The following TMEM74 variants were observed in gnomAD, a reference collection of about 807,000 sequenced individuals.
The protein encoded by TMEM74 is transmembrane protein 74.
A neutral mutation model predicts 18.1 loss-of-function variants in TMEM74; 13 were observed. The ratio of observed to expected loss-of-function variants is 0.72; its 90% confidence interval spans 0.47 to 1.14. The LOEUF is 1.14. Among genes scored for constraint, TMEM74 ranks in the 50% most tolerant of loss-of-function variants. The pLI is 0.00. For missense variants in TMEM74, 372 were observed against 375.9 expected (o/e 0.99, Z 0.09); for synonymous variants, 159 against 146.6 (o/e 1.08, Z -0.61).
intron 1 of TMEM74, among the ~76,000 whole-genome samples, chr8:108,684,469 G>A (rs1282045457): frequency 1.3e-5 from 2 of 150,278 alleles, no homozygotes; most frequent in Non-Finnish European, 3.0e-5. Context: ...TGAGTTCTTT[G>A]CATATTCTGG....
At chr8:108,660,517 C>T (rs138928999) in intron 1 of TMEM74, among the ~76,000 whole-genome samples, 1 of 152,192 alleles carries the variant, frequency 6.6e-6, no homozygotes, top group Non-Finnish European at 1.5e-5. Flanking sequence ...ATAGCAGAAA[C>T]CTTACCCAGT....
chr8:108,720,763 T>A (rs1359698571), intron 1 of TMEM74, among the ~76,000 whole-genome samples: 1 of 151,864 alleles, frequency 6.6e-6, no homozygotes, highest in Non-Finnish European at 1.5e-5. Flanking sequence ...TATTAGTTTG[T>A]TTGTTTGTTT....
chr8:108,764,872 A>T (rs982645063), intron 1 of TMEM74, among the ~76,000 whole-genome samples: 17 of 152,184 alleles, frequency 1.1e-4, no homozygotes, highest in Admixed American at 3.3e-4. Flanking sequence ...GATTAGTCCC[A>T]GTTTCGCCAG....
At chr8:108,673,786 C>T (rs1345733371) in intron 1 of TMEM74, among the ~76,000 whole-genome samples, 2 of 152,120 alleles carry the variant, frequency 1.3e-5, no homozygotes, top group Non-Finnish European at 2.9e-5. Flanking sequence ...CAGCTGAGAT[C>T]AGAACAGATA....
intron 1 of TMEM74, among the ~76,000 whole-genome samples, chr8:108,676,857 T>A (rs1813060817): frequency 6.6e-6 from 1 of 152,196 alleles, no homozygotes; most frequent in Non-Finnish European, 1.5e-5. Flanking sequence ...CTTCTGGCAG[T>A]CATCAGCACC....
chr8:108,770,241 AG>A (rs1414494601), intron 1 of TMEM74, among the ~76,000 whole-genome samples: 1 of 152,132 alleles, frequency 6.6e-6, no homozygotes, highest in Non-Finnish European at 1.5e-5. Context: ...CACTGTTATA[AG>A]ATAAAATGAT....
intron 1 of TMEM74, among the ~76,000 whole-genome samples, chr8:108,686,477 C>T (rs947108136): frequency 2.6e-5 from 4 of 152,126 alleles, no homozygotes; most frequent in Admixed American, 2.6e-4. Context: ...GCTGAGATTA[C>T]AGGCGTGACC....
chr8:108,668,688 G>C (rs1812973248), intron 1 of TMEM74, among the ~76,000 whole-genome samples: 1 of 152,164 alleles, frequency 6.6e-6, no homozygotes, highest in Non-Finnish European at 1.5e-5. Context: ...AGAATACATA[G>C]TTGGGTACTG....
chr8:108,785,007 G>T lies in TMEM74; in HGVS notation c.92C>A (p.Ala31Glu), dbSNP rs771784475. 1.2e-6 allele frequency: 2 copies of T among 1,614,154 alleles called. No homozygotes were observed. Among genetic ancestry groups the T allele is most frequent in the East Asian group, 4.5e-5 (2 of 44,870 alleles). Residue 31 changes from alanine to glutamate, a missense_variant, in exon 2 of 2, where the codon GCA (alanine) becomes GAA (glutamate). By Grantham distance (107) the Ala-to-Glu change is moderately radical. Transcript: ENST00000297459. ...AGCAGCTCTTGTGGCTGCTGTATCT[G>T]CCTGGTCACCAGGCAGCCCTCTTGA... ...WSSRGLPGDQ[A>E]DTAATRAALC...
chr8:108,763,093 T>C (rs542638407), intron 1 of TMEM74, among the ~76,000 whole-genome samples: 9 of 152,280 alleles, frequency 5.9e-5, no homozygotes, highest in Admixed American at 2.0e-4. Flanking sequence ...TTTCTTTATG[T>C]TCATCTAATC....
intron 1 of TMEM74, among the ~76,000 whole-genome samples, chr8:108,736,891 T>A (rs1270369440): frequency 1.3e-5 from 2 of 152,052 alleles, no homozygotes; most frequent in Non-Finnish European, 2.9e-5. Context: ...GGGACATAGA[T>A]TTGTAGATGG....
At chr8:108,776,763 TGAAG>T (rs929783114), downstream of TMEM74, among the ~76,000 whole-genome samples, 4 of 146,256 alleles carry the variant, frequency 2.7e-5, no homozygotes, top group South Asian at 4.4e-4. Flanking sequence ...ATGATGATGA[TGAAG>T]GAAGGGAGGA....
chr8:108,756,443 G>A lies in TMEM74; in HGVS notation n.119+31033C>T, dbSNP rs368881278. Among the ~76,000 whole-genome samples, 34 of 150,728 alleles carry A rather than the reference G, an allele frequency of 2.3e-4. No individual in the cohort carries two copies. The East Asian group carries it at 2.6e-3, about 11-fold the overall frequency. On this transcript the variant is annotated intron_variant and non_coding_transcript_variant, in intron 1 of 3. Coordinates refer to the TMEM74 transcript ENST00000518838. Reference sequence around the variant, plus strand: ...TATAGTTAACACCACTGTCTCTTACGCTCCTCAATTTTAGCTCACCTTAGG... The same window carrying A: ...TATAGTTAACACCACTGTCTCTTACACTCCTCAATTTTAGCTCACCTTAGG...
At chr8:108,762,139 C>T (rs1465126462) in intron 1 of TMEM74, among the ~76,000 whole-genome samples, 1 of 152,160 alleles carries the variant, frequency 6.6e-6, no homozygotes, top group African/African-American at 2.4e-5. Flanking sequence ...AACTGTGCTT[C>T]ATGAATGAAA....
intron 1 of TMEM74, among the ~76,000 whole-genome samples, chr8:108,773,323 T>TA (rs34626637): frequency 1.3e-5 from 2 of 151,884 alleles, no homozygotes; most frequent in East Asian, 1.9e-4. Flanking sequence ...CAATATATCC[T>TA]AAAAAAAGAT....
At chr8:108,675,439 C>G (rs1813047296) in intron 1 of TMEM74, among the ~76,000 whole-genome samples, 1 of 152,188 alleles carries the variant, frequency 6.6e-6, no homozygotes, top group South Asian at 2.1e-4. Context: ...ACAATGGACA[C>G]TCCTGCAAAA....
intron 1 of TMEM74, among the ~76,000 whole-genome samples, chr8:108,750,704 G>A (rs1813896463): frequency 6.6e-6 from 1 of 152,040 alleles, no homozygotes; most frequent in South Asian, 2.1e-4. Flanking sequence ...ATCTCAAATG[G>A]GCATGCGTAC....
Position 108,784,431 on chromosome 8 carries a change from C to T in TMEM74, c.668G>A (p.Arg223Lys). Residue 223 changes from arginine (R) to lysine (K), a missense_variant, in exon 2 of 2, where the codon AGG (arginine) becomes AAG (lysine). Coordinates refer to ENST00000297459, the MANE Select transcript of TMEM74 (RefSeq NM_153015.3). ...ACAGCGGTCCAGGTGAGCCCCCAGC[C>T]TCGCACTCTCCTTCTCCAGGCGCTC... The part of the protein sequence containing the change: ...EMERLEKESA[R>K]LGAHLDRCVI... The T allele has an allele frequency of 6.2e-7, 1 of 1,614,206 alleles. No individual in the cohort carries two copies. The highest frequency in any genetic ancestry group is 1.3e-5 in the African/African-American group (1 of 75,050).
At chr8:108,690,679 G>T (rs556578862) in intron 1 of TMEM74, among the ~76,000 whole-genome samples, 2 of 151,946 alleles carry the variant, frequency 1.3e-5, no homozygotes, top group African/African-American at 2.4e-5. Context: ...AAAATTAGCC[G>T]GGCATGGTGG....
Sources: allele counts gnomAD v4.1 joint callset (sites outside exome capture counted in the v4.1 genomes callset), GRCh38; gene constraint gnomAD v4.1.1; transcripts MANE v1.5; gene names NCBI Gene and HGNC (gene_info 2026-07-23, HGNC 2026-07-21).